The following RALGAPB variants were observed in gnomAD, a reference collection of about 807,000 sequenced individuals.
RALGAPB encodes Ral GTPase activating protein non-catalytic subunit beta.
Under a neutral mutation model 161.1 loss-of-function variants are expected in RALGAPB, and 25 were observed. The ratio of observed to expected loss-of-function variants is 0.16; its 90% CI spans 0.11 to 0.22. The LOEUF is 0.22. Ranked by LOEUF, RALGAPB falls within the 10% of genes least tolerant of loss-of-function variation. RALGAPB has a pLI of 1.00. For synonymous variants in RALGAPB, 629 were observed against 626.1 expected (o/e 1.00, Z -0.07); for missense variants, 1,391 against 1,815.2 (o/e 0.77, Z 4.25).
At chr20:38,501,637 C>T (rs531062489) in intron 5 of RALGAPB, among the ~76,000 whole-genome samples, 1 of 152,040 alleles carries the variant, frequency 6.6e-6, no homozygotes, top group African/African-American at 2.4e-5. Flanking sequence ...CTCCTAGTCT[C>T]AAAACAATCC....
At chr20:38,522,944 C>T (rs143520425) in intron 10 of RALGAPB, among the ~76,000 whole-genome samples, 11 of 152,286 alleles carry the variant, frequency 7.2e-5, no homozygotes, top group African/African-American at 2.6e-4. Flanking sequence ...CTGCTTCATT[C>T]TTCTCTTCTC....
chr20:38,509,138 A>G lies in RALGAPB; in HGVS notation c.802A>G (p.Ser268Gly). 1 of 1,613,502 alleles carries G rather than the reference A, an allele frequency of 6.2e-7. No homozygotes were observed. Among genetic ancestry groups the G allele is most frequent in the Non-Finnish European group, 8.5e-7 (1 of 1,179,396 alleles). Residue 268 changes from serine to glycine, a missense_variant, in exon 6 of 30, where the codon AGT (serine) becomes GGT (glycine). By Grantham distance (56) the Ser-to-Gly change is moderately conservative (BLOSUM62 0). Transcript: ENST00000262879. Reference protein sequence around the residue: ...PAFKVPDEDASLIPPEMDNEC... With the variant: ...PAFKVPDEDAGLIPPEMDNEC... ...ATTTAAAGTTCCCGATGAAGATGCC[A>G]GTCTGATCCCTCCAGAAATGGATAA...
chr20:38,488,502 A>G lies in RALGAPB; in HGVS notation c.70A>G (p.Ser24Gly). ...TCAAGGCCATACCAGTGTGCTGCAC[A>G]GCTATCCAGAGAGCGTTGGACGAGA... ...NDQGHTSVLH[S>G]YPESVGREVA... Residue 24 changes from serine (S) to glycine (G), a missense_variant, in exon 2 of 30, where the codon AGC becomes GGC. Transcript: ENST00000262879. 3 of 1,614,232 alleles carry G rather than the reference A, an allele frequency of 1.9e-6. No homozygotes were observed. The highest frequency in any genetic ancestry group is 1.1e-5 in the South Asian group (1 of 91,086).
intron 13 of RALGAPB, among the ~76,000 whole-genome samples, chr20:38,530,059 C>T (rs960265864): frequency 3.3e-5 from 5 of 152,162 alleles, no homozygotes; most frequent in Non-Finnish European, 5.9e-5. Context: ...AGTGGCACTT[C>T]CTATGGGTCC....
At chr20:38,573,189 C>G (rs1367610433) in intron 28 of RALGAPB, among the ~76,000 whole-genome samples, 1 of 151,800 alleles carries the variant, frequency 6.6e-6, no homozygotes, top group Non-Finnish European at 1.5e-5. Flanking sequence ...GCCTCGGCCT[C>G]TCAAGTTTTC....
At chr20:38,558,210 T>C in intron 22 of RALGAPB, 85 bp from the exon 23 acceptor site, 1 of 1,180,228 alleles carries the variant, frequency 8.5e-7, no homozygotes, top group Non-Finnish European at 1.1e-6. Flanking sequence ...TTTATTTTTA[T>C]TAAACCATGA....
intron 5 of RALGAPB, among the ~76,000 whole-genome samples, chr20:38,504,023 A>G (rs1164423043): frequency 6.6e-6 from 1 of 152,256 alleles, no homozygotes; most frequent in Non-Finnish European, 1.5e-5. Flanking sequence ...TACAGATTCA[A>G]CACTATTCCT....
intron 13 of RALGAPB, among the ~76,000 whole-genome samples, chr20:38,527,411 T>C (rs930529514): frequency 3.9e-5 from 6 of 152,068 alleles, no homozygotes; most frequent in Non-Finnish European, 8.8e-5. Context: ...GTGACTGGAG[T>C]TGTCTGTAGC....
At chr20:38,485,267 C>G (rs1265544266) in intron 1 of RALGAPB, among the ~76,000 whole-genome samples, 1 of 152,138 alleles carries the variant, frequency 6.6e-6, no homozygotes, top group Non-Finnish European at 1.5e-5. Context: ...GATTTCCTGA[C>G]TCTGCCTGTA....
At chr20:38,491,154 A>G (rs1172069196) in intron 2 of RALGAPB, among the ~76,000 whole-genome samples, 5 of 152,092 alleles carry the variant, frequency 3.3e-5, no homozygotes, top group African/African-American at 4.8e-5. Flanking sequence ...TGTATTTCCT[A>G]CCCTTAACCT....
intron 21 of RALGAPB, 23 bp downstream of exon 21, chr20:38,551,246 T>C (rs1346706942): frequency 3.1e-6 from 5 of 1,607,244 alleles, no homozygotes; most frequent in Non-Finnish European, 4.3e-6. Context: ...TTTTTAGCTG[T>C]TGTCAAGGGG....
chr20:38,565,622 A>G, intron 25 of RALGAPB, 144 bp downstream of exon 25: 1 of 1,008,950 alleles, frequency 9.9e-7, no homozygotes, highest in Admixed American at 2.6e-5. Flanking sequence ...CAGAAGCACA[A>G]GATGTCTTCT....
chr20:38,560,696 C>T (rs2087757954), intron 23 of RALGAPB, among the ~76,000 whole-genome samples: 2 of 152,156 alleles, frequency 1.3e-5, no homozygotes, highest in African/African-American at 4.8e-5. Context: ...CTTGAGGCAC[C>T]TCCTAACCCA....
intron 5 of RALGAPB, 85 bp from the exon 6 acceptor site, chr20:38,508,992 C>T: frequency 7.0e-7 from 1 of 1,436,440 alleles, no homozygotes; most frequent in Non-Finnish European, 9.6e-7. Context: ...CATGTTTCAT[C>T]CATTTTCTCT....
At chr20:38,511,115 A>G (rs1166464939) in intron 6 of RALGAPB, among the ~76,000 whole-genome samples, 2 of 152,076 alleles carry the variant, frequency 1.3e-5, no homozygotes, top group Non-Finnish European at 1.5e-5. Context: ...GGAGGGTTTT[A>G]TGTGTCAGGC....
chr20:38,486,343 A>G (rs1305212567), intron 1 of RALGAPB, among the ~76,000 whole-genome samples: 1 of 152,194 alleles, frequency 6.6e-6, no homozygotes, highest in Non-Finnish European at 1.5e-5. Context: ...ACATTAATAC[A>G]TTTAGAGAAT....
At chr20:38,510,632 C>T (rs998942076) in intron 6 of RALGAPB, among the ~76,000 whole-genome samples, 10 of 144,510 alleles carry the variant, frequency 6.9e-5, no homozygotes, top group Non-Finnish European at 1.2e-4. Flanking sequence ...TTTATAGGGC[C>T]GGGCGCGGTG....
chr20:38,570,689 C>T (rs772757266), intron 27 of RALGAPB, 80 bp from the exon 28 acceptor site: 32 of 871,650 alleles, frequency 3.7e-5, no homozygotes, highest in African/African-American at 6.7e-5. Flanking sequence ...TTATGTAAAG[C>T]GATTAGAAAA....
rs36061549 is a variant in RALGAPB, at chr20:38,558,467, A to AT, written c.3531+26dup. ...ACGAACCAAGAGGTAAGAGTTACGA[A>AT]TTTTTTTTTTTTGGTATGTTTTTGT... is the stretch of plus-strand genomic sequence containing the variant. On this transcript the variant is annotated intron_variant, in intron 23 of 29. Transcript: ENST00000262879. 0.093 allele frequency: 108,494 copies of AT among 1,160,634 alleles called. 627 individuals carry two copies. Among genetic ancestry groups the AT allele is most frequent in the Admixed American group, 0.12 (4,740 of 40,740 alleles). The allele number at this position is 1,160,634 out of a possible 1,614,324, so 71.9% of individuals were successfully genotyped here.
Sources: allele counts gnomAD v4.1 joint callset (sites outside exome capture counted in the v4.1 genomes callset), GRCh38; gene constraint gnomAD v4.1.1; transcripts MANE v1.5; gene names NCBI Gene and HGNC (gene_info 2026-07-23, HGNC 2026-07-21).